Variants in LRP1B observed in about 807,000 individuals in gnomAD.
LRP1B encodes LDL receptor related protein 1B, also known as low-density lipoprotein receptor-related protein 1B.
Under a neutral mutation model 556.6 loss-of-function variants are expected in LRP1B, and 217 were observed. That is an observed-to-expected ratio of 0.39 (90% CI 0.35 to 0.44). LRP1B has a LOEUF of 0.44. Ranked by LOEUF, LRP1B falls within the 20% of genes least tolerant of loss-of-function variation. The probability of loss-of-function intolerance (pLI) is 1.00; values close to 1 mark genes in which losing one functional copy is unlikely to be tolerated. For synonymous variants in LRP1B, 2,047 were observed against 1,865.8 expected, an observed-to-expected ratio of 1.10 and a Z score of -2.50; for missense variants, 5,053 against 5,620.8, an observed-to-expected ratio of 0.90 and a Z score of 3.23.
chr2:140,806,006 G>A (rs886541657), intron 32 of LRP1B, among the ~76,000 whole-genome samples: 2 of 152,028 alleles, frequency 1.3e-5, no homozygotes, highest in African/African-American at 4.8e-5. Context: ...TTGGTCATGA[G>A]GGTAAAGACC....
chr2:141,905,424 A>G (rs1405747189), intron 1 of LRP1B, among the ~76,000 whole-genome samples: 2 of 151,820 alleles, frequency 1.3e-5, no homozygotes, highest in African/African-American at 4.8e-5. Context: ...GTGATGATAA[A>G]TTTTGAAGTG....
At chr2:140,624,199 G>T (rs933636856) in intron 41 of LRP1B, among the ~76,000 whole-genome samples, 1 of 151,536 alleles carries the variant, frequency 6.6e-6, no homozygotes, top group African/African-American at 2.4e-5. Context: ...GAAAAAATTC[G>T]GCCAAATTTC....
intron 35 of LRP1B, among the ~76,000 whole-genome samples, chr2:140,723,517 G>A (rs564957557): frequency 1.4e-5 from 2 of 145,238 alleles, no homozygotes; most frequent in African/African-American, 2.5e-5. Context: ...ACATTTCTCC[G>A]TTTTTATCAT....
At chr2:140,919,358 A>C (rs1694671951) in intron 21 of LRP1B, among the ~76,000 whole-genome samples, 1 of 150,422 alleles carries the variant, frequency 6.6e-6, no homozygotes, top group African/African-American at 2.5e-5. Context: ...TATCAGATTC[A>C]ATCTCCAAGC....
intron 1 of LRP1B, among the ~76,000 whole-genome samples, chr2:142,105,187 A>G (rs1319149626): frequency 6.6e-6 from 1 of 152,160 alleles, no homozygotes; most frequent in East Asian, 1.9e-4. Flanking sequence ...GGTCATCACT[A>G]TCCCCAGATG....
chr2:141,222,456 C>A (rs1212937147), intron 6 of LRP1B, among the ~76,000 whole-genome samples: 2 of 152,080 alleles, frequency 1.3e-5, no homozygotes, highest in African/African-American at 4.8e-5. Context: ...AGGTACAAAG[C>A]GGAGCTGGTA....
At chr2:141,835,803 T>C (rs1558907714) in intron 1 of LRP1B, among the ~76,000 whole-genome samples, 1 of 150,024 alleles carries the variant, frequency 6.7e-6, no homozygotes, top group Non-Finnish European at 1.5e-5. Context: ...TAGTGAGGTA[T>C]ACACACACAC....
At chr2:141,620,135 T>C (rs1486257686) in intron 2 of LRP1B, among the ~76,000 whole-genome samples, 3 of 151,982 alleles carry the variant, frequency 2.0e-5, no homozygotes, top group Non-Finnish European at 2.9e-5. Flanking sequence ...AAAGAAAATA[T>C]AGAGATGGGA....
chr2:142,015,722 A>G (rs1703100106), intron 1 of LRP1B, among the ~76,000 whole-genome samples: 1 of 152,092 alleles, frequency 6.6e-6, no homozygotes, highest in South Asian at 2.1e-4. Context: ...GGCCAGGCAC[A>G]GTGGCTCACG....
chr2:140,686,433 A>C, intron 41 of LRP1B, among the ~76,000 whole-genome samples: 1 of 152,108 alleles, frequency 6.6e-6, no homozygotes. Context: ...ATTGATAAGA[A>C]AAGTAGTTAG....
At chr2:141,023,770 G>C (rs1167734125) in intron 11 of LRP1B, among the ~76,000 whole-genome samples, 1 of 151,986 alleles carries the variant, frequency 6.6e-6, no homozygotes, top group African/African-American at 2.4e-5. Flanking sequence ...AGAATTTGAG[G>C]CATATAATAA....
intron 3 of LRP1B, among the ~76,000 whole-genome samples, chr2:141,384,906 C>A (rs1689772320): frequency 6.6e-6 from 1 of 152,180 alleles, no homozygotes; most frequent in Non-Finnish European, 1.5e-5. Context: ...CCCATCTGCC[C>A]TAAGAACAAA....
intron 2 of LRP1B, among the ~76,000 whole-genome samples, chr2:141,684,897 GC>G (rs1397241207): frequency 6.6e-6 from 1 of 152,046 alleles, no homozygotes; most frequent in African/African-American, 2.4e-5. Flanking sequence ...GGATGGAAAA[GC>G]CTAACACAAC....
At chr2:141,218,281 T>C (rs300374) in intron 6 of LRP1B, among the ~76,000 whole-genome samples, 20,088 of 152,192 alleles carry the variant, frequency 0.13, 1,467 homozygotes, top group South Asian at 0.21. Context: ...ATCCCATTAC[T>C]AGGTATATAC....
chr2:141,599,137 A>G (rs2105306198), intron 2 of LRP1B, among the ~76,000 whole-genome samples: 1 of 130,018 alleles, frequency 7.7e-6, no homozygotes, highest in Non-Finnish European at 1.5e-5. Context: ...CAACTCCACA[A>G]AGGGCTGCAT....
intron 21 of LRP1B, among the ~76,000 whole-genome samples, chr2:140,917,501 T>C (rs1694614320): frequency 1.3e-5 from 2 of 152,104 alleles, no homozygotes; most frequent in South Asian, 2.1e-4. Context: ...TGGAATATTA[T>C]TCAAAGCTTA....
chr2:140,988,173 T>C (rs1259777774), intron 17 of LRP1B, among the ~76,000 whole-genome samples: 1 of 151,996 alleles, frequency 6.6e-6, no homozygotes, highest in East Asian at 1.9e-4. Flanking sequence ...CCCCTGATCT[T>C]TTACCAATGA....
intron 43 of LRP1B, among the ~76,000 whole-genome samples, chr2:140,545,265 G>A (rs1680288174): frequency 6.6e-6 from 1 of 151,284 alleles, no homozygotes; most frequent in Non-Finnish European, 1.5e-5. Context: ...TAGTTTCTAT[G>A]GCTGTGGAGA....
intron 67 of LRP1B, among the ~76,000 whole-genome samples, chr2:140,384,322 A>T (rs1365140966): frequency 6.6e-6 from 1 of 152,152 alleles, no homozygotes; most frequent in Non-Finnish European, 1.5e-5. Context: ...AGCAGAAAGT[A>T]TATGCATAAT....
Sources: gnomAD v4.1 joint callset for allele counts (sites outside exome capture counted in the v4.1 genomes callset) on GRCh38, gnomAD v4.1.1 for gene constraint, MANE v1.5 for transcripts, NCBI Gene and HGNC (gene_info 2026-07-23, HGNC 2026-07-21) for gene names.